MYLK4: variants seen among roughly 807,000 people sequenced by gnomAD.
MYLK4 encodes the protein caMLCK like.
A neutral mutation model predicts 48.1 loss-of-function variants in MYLK4; 46 were observed. The observed-to-expected ratio is 0.96, with a 90% CI of 0.75 to 1.22. The LOEUF is 1.22. MYLK4 is among the 50% of genes most tolerant of loss of function. MYLK4 has a pLI of 0.00. For synonymous variants in MYLK4, 170 were observed against 180.8 expected, an observed-to-expected ratio of 0.94 and a Z score of 0.48; for missense variants, 451 against 486.1, an observed-to-expected ratio of 0.93 and a Z score of 0.68.
intron 2 of MYLK4, among the ~76,000 whole-genome samples, chr6:2,693,788 G>C (rs546524517): frequency 7.4e-6 from 1 of 134,246 alleles, no homozygotes; most frequent in Admixed American, 8.2e-5. Flanking sequence ...ATGGAGTTTC[G>C]CTCTTGTTGC....
At position 2,666,104 on chromosome 6, in the gene MYLK4, C is replaced by T. The variant is rs1339094680; in HGVS notation, c.*1821G>A. The stretch of plus-strand genomic sequence containing the variant: ...TTATAACTAACACGACCACAAAATT[C>T]GCATGTGGCCTTCACCAAATCACGT... On this transcript the variant is annotated 3_prime_UTR_variant, in exon 13 of 13. Transcript: ENST00000274643. 4 of 152,230 alleles carry T rather than the reference C, an allele frequency of 2.6e-5. No individual in the cohort carries two copies. The highest frequency in any genetic ancestry group is 5.9e-5 in the Non-Finnish European group (4 of 68,050). 9.4% of individuals were successfully genotyped at this position (152,230 alleles called of 1,614,324 possible). A position where few individuals can be genotyped will look rare whatever the true frequency, so the allele number is the denominator to read the frequency against.
the MYLK4 span, among the ~76,000 whole-genome samples, chr6:2,756,305 A>T: frequency 5.3e-5 from 8 of 152,330 alleles, no homozygotes; most frequent in Admixed American, 3.9e-4. Flanking sequence ...CTTTATTTTG[A>T]AGCTCAAATT....
At chr6:2,744,690 A>T (rs1042958629) in intron 2 of MYLK4, among the ~76,000 whole-genome samples, 1 of 152,092 alleles carries the variant, frequency 6.6e-6, no homozygotes, top group African/African-American at 2.4e-5. Context: ...TCTTGGGAGC[A>T]TTTGTACCGG....
Position 2,685,062 on chromosome 6 carries a change from C to A in MYLK4, c.545+234G>T, listed in dbSNP as rs1761473945. 6.6e-6 allele frequency among the ~76,000 whole-genome samples: 1 copy of A among 152,214 alleles called. No individual in the cohort carries two copies. Among genetic ancestry groups the A allele is most frequent in the Non-Finnish European group, 1.5e-5 (1 of 68,040 alleles). On this transcript the variant is annotated intron_variant, in intron 6 of 12. Coordinates refer to ENST00000274643, the MANE Select transcript of MYLK4 (RefSeq NM_001012418.5). This position sits in a 1 kb window ranked among gnomAD's most constrained non-coding sequence, Gnocchi z 4.5. ...TGATTTTTGACAAACAGCGTAGATA[C>A]AAAGCTAGATCTACTTGGTCCCACT...
At chr6:2,711,030 G>A (rs1390336986) in intron 2 of MYLK4, among the ~76,000 whole-genome samples, 16 of 152,196 alleles carry the variant, frequency 1.1e-4, no homozygotes, top group Non-Finnish European at 1.0e-4. Flanking sequence ...GGGAGACACA[G>A]GGGAGGAACT....
Position 2,673,237 on chromosome 6 carries a change from G to A in MYLK4, c.1119+1810C>T, listed in dbSNP as rs890021338. ...ATAAAAATACATCGGTGGAAAATTG[G>A]CTCAAAATAGGTTAGTAACCCTAAT... On this transcript the variant is annotated intron_variant, in intron 11 of 12. Coordinates refer to ENST00000274643, the MANE Select transcript of MYLK4 (RefSeq NM_001012418.5). The surrounding 1 kb of genome is among the most constrained non-coding windows in gnomAD (Gnocchi z 4.2). Among the ~76,000 whole-genome samples, 2 of 152,184 alleles carry A rather than the reference G, an allele frequency of 1.3e-5. No individual in the cohort carries two copies. The highest frequency in any genetic ancestry group is 4.8e-5 in the African/African-American group (2 of 41,442).
chr6:2,741,379 G>T (rs1763895914), intron 2 of MYLK4, among the ~76,000 whole-genome samples: 1 of 152,034 alleles, frequency 6.6e-6, no homozygotes, highest in South Asian at 2.1e-4. Context: ...AGCAAATAAA[G>T]GTCTTTTTCT....
intron 11 of MYLK4, 142 bp from the exon 12 acceptor site, chr6:2,671,490 C>T: frequency 1.4e-6 from 1 of 737,838 alleles, no homozygotes; most frequent in Non-Finnish European, 2.2e-6. Flanking sequence ...ACATTCCCGA[C>T]AACCCCCTGG....
intron 2 of MYLK4, among the ~76,000 whole-genome samples, chr6:2,718,297 T>C (rs1215235267): frequency 6.6e-6 from 1 of 152,196 alleles, no homozygotes; most frequent in Non-Finnish European, 1.5e-5. Context: ...CCAGATGTAC[T>C]TCCAACATTG....
At chr6:2,762,984 A>C in the MYLK4 span, among the ~76,000 whole-genome samples, 1 of 150,438 alleles carries the variant, frequency 6.6e-6, no homozygotes, top group Non-Finnish European at 1.5e-5. Flanking sequence ...AAAGAACAAA[A>C]CACCCACACA....
chr6:2,687,769 T>C (rs539441118), intron 4 of MYLK4, among the ~76,000 whole-genome samples: 11 of 152,262 alleles, frequency 7.2e-5, no homozygotes, highest in African/African-American at 2.6e-4. Flanking sequence ...TTCACAAATA[T>C]CAAGGACTCC....
chr6:2,728,130 G>C (rs1763349086), intron 2 of MYLK4, among the ~76,000 whole-genome samples: 1 of 152,136 alleles, frequency 6.6e-6, no homozygotes, highest in Non-Finnish European at 1.5e-5. Flanking sequence ...GTAGGTAGCA[G>C]AGCTGATATC....
chr6:2,763,095 A>G, the MYLK4 span, among the ~76,000 whole-genome samples: 1 of 152,220 alleles, frequency 6.6e-6, no homozygotes, highest in East Asian at 1.9e-4. Context: ...TCCATTTTAC[A>G]GAGAGCCCAT....
intron 7 of MYLK4, among the ~76,000 whole-genome samples, chr6:2,681,020 A>G (rs550687621): frequency 5.3e-5 from 8 of 152,304 alleles, no homozygotes; most frequent in African/African-American, 1.9e-4. Context: ...ATGCCTTACA[A>G]GTGCACCTAA....
At chr6:2,687,537 T>C (rs1307259908) in intron 4 of MYLK4, among the ~76,000 whole-genome samples, 1 of 152,170 alleles carries the variant, frequency 6.6e-6, no homozygotes, top group African/African-American at 2.4e-5. Flanking sequence ...TATTCTCGGT[T>C]AGAGAAATAG....
At chr6:2,690,649 C>CT (rs1211478794) in intron 3 of MYLK4, among the ~76,000 whole-genome samples, 1 of 151,920 alleles carries the variant, frequency 6.6e-6, no homozygotes, top group African/African-American at 2.4e-5. Context: ...AACCAGGGTC[C>CT]CAGGGAATCT....
In MYLK4 at chr6:2,673,782, G is replaced by A. The variant is rs1240274138; in HGVS notation, c.1119+1265C>T. 1.3e-5 allele frequency among the ~76,000 whole-genome samples: 2 copies of A among 152,236 alleles called. No individual in the cohort carries two copies. Among genetic ancestry groups the A allele is most frequent in the Non-Finnish European group, 2.9e-5 (2 of 68,048 alleles). On this transcript the variant is annotated intron_variant, in intron 11 of 12. Transcript: ENST00000274643. The surrounding 1 kb of genome is among the most constrained non-coding windows in gnomAD (Gnocchi z 4.2). ...ATGAAGGAGGCAGAGAAGCCAGTTAGGAGGCTGCAGTCACTCAGGGGAGGC... is the reference window on the plus strand; with the variant it reads ...ATGAAGGAGGCAGAGAAGCCAGTTAAGAGGCTGCAGTCACTCAGGGGAGGC...
At chr6:2,767,867 C>G in the MYLK4 span, among the ~76,000 whole-genome samples, 2 of 152,142 alleles carry the variant, frequency 1.3e-5, no homozygotes, top group Admixed American at 1.3e-4. Flanking sequence ...GAGCCTGATT[C>G]CAAAAGGCAG....
At chr6:2,718,998 T>C (rs1003919912) in intron 2 of MYLK4, among the ~76,000 whole-genome samples, 1 of 152,184 alleles carries the variant, frequency 6.6e-6, no homozygotes, top group African/African-American at 2.4e-5. Flanking sequence ...GGACTCACGA[T>C]GTGGTCCTCT....
Sources: gnomAD v4.1 joint callset for allele counts (sites outside exome capture counted in the v4.1 genomes callset) on GRCh38, gnomAD v4.1.1 for gene constraint, Gnocchi (gnomAD v3.1) non-coding constraint, MANE v1.5 for transcripts, NCBI Gene and HGNC (gene_info 2026-07-23, HGNC 2026-07-21) for gene names.